The following GPC6 variants were observed in gnomAD, a reference collection of about 807,000 sequenced individuals.
GPC6 encodes glypican-6.
In GPC6, 14 loss-of-function variants were observed where a neutral mutation model predicts 55.2. The ratio of observed to expected loss-of-function variants is 0.25; its 90% CI spans 0.17 to 0.40. The LOEUF (loss-of-function observed/expected upper bound fraction) is 0.40. Among genes scored for constraint, GPC6 ranks in the 10% least tolerant of loss-of-function variants. The pLI, the probability that GPC6 is intolerant of heterozygous loss-of-function variation, is 1.00. For synonymous variants in GPC6, 278 were observed against 259.6 expected (o/e 1.07, Z -0.68); for missense variants, 641 against 708.5 (o/e 0.90, Z 1.08).
Position 93,763,978 on chromosome 13 carries a change from T to C in GPC6, c.320-66176T>C, listed in dbSNP as rs142310794. Among the ~76,000 whole-genome samples the C allele has an allele frequency of 1.9e-3, 287 of 152,276 alleles. 1 individual carries two copies. Among genetic ancestry groups the C allele is most frequent in the African/African-American group, 5.9e-3 (246 of 41,574 alleles). ...ATACCCTTGTTTTAATAAGTTGTTGTCCTTTCAAACCTTTGCACTTATATC... is the reference window on the plus strand; with the variant it reads ...ATACCCTTGTTTTAATAAGTTGTTGCCCTTTCAAACCTTTGCACTTATATC... On this transcript the variant is annotated intron_variant, in intron 2 of 8. Transcript: ENST00000377047.
chr13:94,333,638 C>A (rs1196099360), intron 6 of GPC6, among the ~76,000 whole-genome samples: 3 of 152,186 alleles, frequency 2.0e-5, no homozygotes, highest in Non-Finnish European at 4.4e-5. Context: ...TTAATCCCTG[C>A]AATAACCCTA....
chr13:93,437,671 T>C (rs1877624465), intron 1 of GPC6, among the ~76,000 whole-genome samples: 1 of 152,084 alleles, frequency 6.6e-6, no homozygotes. Context: ...TTCATGATAT[T>C]GAAGGAAGGA....
chr13:94,253,895 A>G (rs1263232311), intron 4 of GPC6, among the ~76,000 whole-genome samples: 1 of 152,162 alleles, frequency 6.6e-6, no homozygotes, highest in Non-Finnish European at 1.5e-5. Context: ...ATGTATGTAC[A>G]TTCCTTGAAT....
At chr13:93,551,688 T>C (rs977156803) in intron 2 of GPC6, among the ~76,000 whole-genome samples, 22 of 152,082 alleles carry the variant, frequency 1.4e-4, no homozygotes, top group Non-Finnish European at 8.8e-5. Flanking sequence ...GAAGTGGAGG[T>C]GGGGAAAGGA....
intron 6 of GPC6, among the ~76,000 whole-genome samples, chr13:94,319,994 A>G (rs538545446): frequency 2.0e-5 from 3 of 152,142 alleles, no homozygotes; most frequent in Non-Finnish European, 4.4e-5. Context: ...TACTCATCCA[A>G]TAACTGACTG....
At chr13:93,782,617 G>A (rs183061607) in intron 2 of GPC6, among the ~76,000 whole-genome samples, 4 of 152,074 alleles carry the variant, frequency 2.6e-5, no homozygotes, top group Non-Finnish European at 4.4e-5. Flanking sequence ...TTTGATAACA[G>A]TCATCGTAAC....
chr13:93,754,402 C>T (rs1033483130), intron 2 of GPC6, among the ~76,000 whole-genome samples: 2 of 152,074 alleles, frequency 1.3e-5, no homozygotes, highest in African/African-American at 4.8e-5. Context: ...TGAGACCTTC[C>T]AAAATGCTTG....
chr13:94,272,458 C>CTTTTTTT (rs1272404309), intron 4 of GPC6, among the ~76,000 whole-genome samples: 1 of 115,412 alleles, frequency 8.7e-6, no homozygotes, highest in South Asian at 2.8e-4. Flanking sequence ...CTTTTCTTTT[C>CTTTTTTT]TTTTCTTTTT....
At chr13:93,233,151 T>G (rs183569428) in intron 1 of GPC6, among the ~76,000 whole-genome samples, 1 of 152,162 alleles carries the variant, frequency 6.6e-6, no homozygotes, top group African/African-American at 2.4e-5. Context: ...TTATTCAATT[T>G]TCAATGATAT....
intron 7 of GPC6, among the ~76,000 whole-genome samples, chr13:94,393,663 C>T (rs1453622685): frequency 6.6e-6 from 1 of 152,068 alleles, no homozygotes; most frequent in Non-Finnish European, 1.5e-5. Context: ...CCATTTCTCC[C>T]CATTCCTCCC....
At chr13:94,039,164 T>G (rs1337829) in intron 4 of GPC6, among the ~76,000 whole-genome samples, 151,132 of 152,096 alleles carry the variant, frequency 0.99, 75,094 homozygotes, top group Middle Eastern at 1. Flanking sequence ...GTTGTGTACA[T>G]GGAGGTAAGG....
At chr13:93,983,332 T>C (rs1192622394) in intron 3 of GPC6, among the ~76,000 whole-genome samples, 1 of 152,170 alleles carries the variant, frequency 6.6e-6, no homozygotes, top group Middle Eastern at 3.2e-3. Context: ...ATATAAAATG[T>C]AGTTGATGCT....
At chr13:93,294,201 A>C (rs1878405961) in intron 1 of GPC6, among the ~76,000 whole-genome samples, 1 of 152,168 alleles carries the variant, frequency 6.6e-6, no homozygotes, top group African/African-American at 2.4e-5. Flanking sequence ...AAAAATCACA[A>C]ATATTATATA....
At chr13:93,641,047 T>C (rs2139586036) in intron 2 of GPC6, among the ~76,000 whole-genome samples, 1 of 152,166 alleles carries the variant, frequency 6.6e-6, no homozygotes, top group African/African-American at 2.4e-5. Context: ...AGAATGCAAC[T>C]TTATGAGGTA....
chr13:93,812,266 A>G (rs151290137), intron 2 of GPC6, among the ~76,000 whole-genome samples: 1,890 of 151,916 alleles, frequency 0.012, 39 homozygotes, highest in African/African-American at 0.042. Context: ...GCAGGTGCCC[A>G]TAGTCCCAGC....
chr13:93,832,145 A>ATATATAT (rs71272209), intron 3 of GPC6, among the ~76,000 whole-genome samples: 3 of 117,478 alleles, frequency 2.6e-5, no homozygotes, highest in Non-Finnish European at 5.2e-5. Context: ...ATATATATAT[A>ATATATAT]ATGTCCTTAC....
At chr13:93,515,551 C>A (rs1050537625) in intron 1 of GPC6, among the ~76,000 whole-genome samples, 4 of 152,090 alleles carry the variant, frequency 2.6e-5, no homozygotes, top group Non-Finnish European at 1.5e-5. Flanking sequence ...ATTTTGTGAG[C>A]CTTATGTTTC....
At chr13:93,971,701 T>C (rs1880288743) in intron 3 of GPC6, among the ~76,000 whole-genome samples, 1 of 152,176 alleles carries the variant, frequency 6.6e-6, no homozygotes, top group African/African-American at 2.4e-5. Context: ...ATAAAACACA[T>C]GTAGCCAGTG....
At chr13:93,930,201 G>C (rs1433232441) in intron 3 of GPC6, among the ~76,000 whole-genome samples, 5 of 151,480 alleles carry the variant, frequency 3.3e-5, no homozygotes, top group African/African-American at 1.2e-4. Flanking sequence ...CTGTTAACAG[G>C]TATAAGCAGG....
Sources: allele counts gnomAD v4.1 joint callset (sites outside exome capture counted in the v4.1 genomes callset), GRCh38; gene constraint gnomAD v4.1.1; transcripts MANE v1.5; gene names NCBI Gene and HGNC (gene_info 2026-07-23, HGNC 2026-07-21).